WDPCP: variants seen among roughly 807,000 people sequenced by gnomAD.
The protein encoded by WDPCP is WD repeat containing planar cell polarity effector.
WDPCP carries 71 observed loss-of-function variants against 93.1 expected under a neutral mutation model. The observed-to-expected ratio is 0.76, with a 90% CI of 0.63 to 0.93. WDPCP has a LOEUF of 0.93. WDPCP is among the 40% of genes least tolerant of loss of function. The pLI, the probability that WDPCP is intolerant of heterozygous loss-of-function variation, is 0.00. For synonymous variants in WDPCP, 315 were observed against 315.0 expected (o/e 1.00, Z 0.00); for missense variants, 844 against 887.4 (o/e 0.95, Z 0.62).
rs138745211 is a variant in WDPCP, at chr2:63,758,870, C to T, written n.308+54752G>A. 2.5e-4 allele frequency among the ~76,000 whole-genome samples: 38 copies of T among 152,130 alleles called. 1 individual carries two copies. The East Asian group carries it at 5.6e-3, about 22-fold the overall frequency. ...TCAGCTCACTGCAACCTCAGACTCC[C>T]GAGTTCAAGCAATTCTCCTGCCTCA... On this transcript the variant is annotated intron_variant and non_coding_transcript_variant, in intron 2 of 4. Coordinates refer to the WDPCP transcript ENST00000467687.
chr2:63,259,594 C>G (rs947456673), intron 13 of WDPCP, among the ~76,000 whole-genome samples, 185 bp from the exon 14 acceptor site: 1 of 152,104 alleles, frequency 6.6e-6, no homozygotes, highest in Non-Finnish European at 1.5e-5. Context: ...GAGATCACAG[C>G]TATAACTAAA....
At chr2:63,569,662 C>G (rs138230810) in intron 1 of WDPCP, among the ~76,000 whole-genome samples, 12 of 152,164 alleles carry the variant, frequency 7.9e-5, no homozygotes, top group Admixed American at 6.5e-4. Context: ...TGCTAACTCA[C>G]GTGGGCAAGG....
intron 2 of WDPCP, among the ~76,000 whole-genome samples, chr2:63,706,799 G>T (rs1206028304): frequency 6.6e-6 from 1 of 151,320 alleles, no homozygotes; most frequent in Non-Finnish European, 1.5e-5. Context: ...TGTATTTTTA[G>T]TAGAGATGGG....
intron 8 of WDPCP, 31 bp from the exon 9 acceptor site, chr2:63,433,967 A>G (rs781029022): frequency 1.9e-6 from 3 of 1,603,882 alleles, no homozygotes; most frequent in South Asian, 2.2e-5. Flanking sequence ...TACATGAAAC[A>G]TTTCTTTTAA....
At chr2:63,714,770 A>T (rs1465732957) in intron 2 of WDPCP, among the ~76,000 whole-genome samples, 1 of 152,194 alleles carries the variant, frequency 6.6e-6, no homozygotes, top group Non-Finnish European at 1.5e-5. Context: ...CAGAGGTTGC[A>T]GTGAGCCAAG....
intron 9 of WDPCP, among the ~76,000 whole-genome samples, chr2:63,428,041 C>G (rs1281739436): frequency 6.6e-6 from 1 of 151,990 alleles, no homozygotes; most frequent in African/African-American, 2.4e-5. Flanking sequence ...AAGTGAAAAC[C>G]TGAACAGACC....
At chr2:63,482,982 G>A (rs1189026144) in intron 6 of WDPCP, among the ~76,000 whole-genome samples, 2 of 151,852 alleles carry the variant, frequency 1.3e-5, no homozygotes, top group African/African-American at 4.8e-5. Context: ...TTTCTGAGTT[G>A]AATTAATGTA....
intron 12 of WDPCP, among the ~76,000 whole-genome samples, chr2:63,374,049 A>G (rs1032439220): frequency 6.9e-5 from 9 of 130,790 alleles, no homozygotes; most frequent in Non-Finnish European, 1.3e-4. Flanking sequence ...CCACAAGTTT[A>G]TGATTTTTTT....
intron 2 of WDPCP, among the ~76,000 whole-genome samples, chr2:63,773,282 T>C (rs930809256): frequency 1.3e-5 from 2 of 152,026 alleles, no homozygotes; most frequent in African/African-American, 4.8e-5. Context: ...TAATGATAGA[T>C]GCAAGAATAT....
intron 2 of WDPCP, among the ~76,000 whole-genome samples, chr2:63,671,531 G>T (rs888488124): frequency 7.2e-5 from 11 of 151,866 alleles, no homozygotes; most frequent in African/African-American, 2.4e-4. Flanking sequence ...TCTTTCACAA[G>T]TGGTCCCCCT....
At chr2:63,745,643 TACACACAC>T (rs5831669) in intron 2 of WDPCP, among the ~76,000 whole-genome samples, 1 of 149,772 alleles carries the variant, frequency 6.7e-6, no homozygotes, top group Admixed American at 6.7e-5. Flanking sequence ...TGCACGCACT[TACACACAC>T]ACACACACAC....
intron 2 of WDPCP, among the ~76,000 whole-genome samples, chr2:63,726,975 A>C (rs1490499215): frequency 6.6e-6 from 1 of 152,162 alleles, no homozygotes; most frequent in African/African-American, 2.4e-5. Flanking sequence ...TAGGTACAGA[A>C]GCATACTGTC....
intron 13 of WDPCP, among the ~76,000 whole-genome samples, chr2:63,292,472 G>A (rs953846007): frequency 6.6e-6 from 1 of 152,094 alleles, no homozygotes. Context: ...GCCCAATGAG[G>A]ATGCTTAAGT....
At chr2:63,135,700 A>T (rs1433597386) in intron 17 of WDPCP, among the ~76,000 whole-genome samples, 1 of 151,938 alleles carries the variant, frequency 6.6e-6, no homozygotes, top group Admixed American at 6.6e-5. Flanking sequence ...ATGTTTTTCC[A>T]CAAAAGAGAA....
At chr2:63,426,338 T>C (rs1696293509) in intron 9 of WDPCP, among the ~76,000 whole-genome samples, 1 of 151,372 alleles carries the variant, frequency 6.6e-6, no homozygotes. Flanking sequence ...TGAGACTCTG[T>C]CTCAAAAAAA....
chr2:63,474,597 T>C (rs1170607162), intron 6 of WDPCP, among the ~76,000 whole-genome samples: 1 of 152,140 alleles, frequency 6.6e-6, no homozygotes, highest in Non-Finnish European at 1.5e-5. Flanking sequence ...TTTTAATTTG[T>C]ACATTTTAAT....
chr2:63,195,468 A>G (rs184342951), intron 14 of WDPCP, among the ~76,000 whole-genome samples: 1 of 152,134 alleles, frequency 6.6e-6, no homozygotes, highest in Non-Finnish European at 1.5e-5. Context: ...CCACTTATAC[A>G]TGGATTTTTT....
At chr2:63,742,234 A>AT (rs1669729274) in intron 2 of WDPCP, among the ~76,000 whole-genome samples, 1 of 152,048 alleles carries the variant, frequency 6.6e-6, no homozygotes, top group South Asian at 2.1e-4. Context: ...AGAAAGAAAC[A>AT]GGAAGAAGAG....
rs556271610 is a variant in WDPCP, at chr2:63,435,116, C to T, written c.634-1180G>A. 7.9e-5 allele frequency among the ~76,000 whole-genome samples: 12 copies of T among 152,212 alleles called. 1 individual carries two copies. The South Asian group carries it at 2.5e-3, about 32-fold the overall frequency. ...AAAGGAACTGAAATCAAAGTAATTA[C>T]CAGTGTTGTTCTCTCATGGTAAACA... On this transcript the variant is annotated intron_variant, in intron 8 of 17. Coordinates refer to ENST00000272321, the MANE Select transcript of WDPCP (RefSeq NM_015910.7).
Sources: allele counts gnomAD v4.1 joint callset (sites outside exome capture counted in the v4.1 genomes callset), GRCh38; gene constraint gnomAD v4.1.1; transcripts MANE v1.5; gene names NCBI Gene and HGNC (gene_info 2026-07-23, HGNC 2026-07-21).